The following ABCB11 variants were observed in gnomAD, a reference collection of about 807,000 sequenced individuals.
ABCB11 encodes ATP binding cassette subfamily B member 11, also known as bile salt export pump.
In ABCB11, 95 loss-of-function variants were observed where a neutral mutation model predicts 148.0. The observed-to-expected ratio is 0.64, with a 90% CI of 0.54 to 0.76. ABCB11 has a LOEUF of 0.76. Ranked by LOEUF, ABCB11 falls within the 30% of genes least tolerant of loss-of-function variation. The probability of loss-of-function intolerance (pLI) is 0.00; values close to 1 mark genes in which losing one functional copy is unlikely to be tolerated. For missense variants in ABCB11, 1,523 were observed against 1,617.8 expected (o/e 0.94, Z 1.01); for synonymous variants, 591 against 555.4 (o/e 1.06, Z -0.90).
At chr2:168,944,994 A>G (rs10930340) in intron 19 of ABCB11, 33 bp from the exon 20 acceptor site, 1 of 1,349,828 alleles carries the variant, frequency 7.4e-7, no homozygotes, top group African/African-American at 1.5e-5. Context: ...AAGTAACTTT[A>G]TTATAAATAG....
chr2:168,963,624 A>G (rs1693170020), intron 18 of ABCB11, among the ~76,000 whole-genome samples: 1 of 151,768 alleles, frequency 6.6e-6, no homozygotes, highest in Non-Finnish European at 1.5e-5. Context: ...GCTACCTTGA[A>G]TTATGTTAAA....
intron 19 of ABCB11, among the ~76,000 whole-genome samples, chr2:168,957,105 A>G (rs1559201454): frequency 1.3e-5 from 2 of 151,524 alleles, no homozygotes; most frequent in Non-Finnish European, 3.0e-5. Context: ...TACTACCTGC[A>G]TCTAGTCAGC....
In ABCB11 at chr2:168,935,362, T is replaced by A; in HGVS notation, c.2878A>T (p.Ile960Phe). The A allele has an allele frequency of 6.2e-7, 1 of 1,613,910 alleles. No individual in the cohort carries two copies. The stretch of plus-strand genomic sequence containing the variant: ...TCCAGCTCAGTCTCAAGTGCTTCAA[T>A]GAACCGCCTCTCCTTTCCAATTCCA... ...VAGIGKERRF[I>F]EALETELEKP... The change falls in exon 23 of 28, where the codon ATT (isoleucine) becomes TTT (phenylalanine). Residue 960 changes from isoleucine to phenylalanine, a missense_variant. Physicochemically the swap from Ile to Phe is conservative, Grantham distance 21. Coordinates refer to ENST00000650372, the MANE Select transcript of ABCB11 (RefSeq NM_003742.4).
intron 5 of ABCB11, among the ~76,000 whole-genome samples, 197 bp downstream of exon 5, chr2:169,013,075 T>C (rs951934971): frequency 1.3e-5 from 2 of 152,168 alleles, no homozygotes; most frequent in African/African-American, 2.4e-5. Context: ...CCTGTTTCTA[T>C]TAAGATTTTA....
chr2:169,010,042 C>T (rs866243184), intron 5 of ABCB11, among the ~76,000 whole-genome samples: 36 of 152,106 alleles, frequency 2.4e-4, no homozygotes, highest in African/African-American at 7.2e-4. Context: ...CCCCAATGCC[C>T]GCAGTAGTAA....
chr2:168,991,269 C>T (rs1330256313), intron 8 of ABCB11, among the ~76,000 whole-genome samples: 3 of 152,138 alleles, frequency 2.0e-5, no homozygotes, highest in Non-Finnish European at 2.9e-5. Flanking sequence ...TAGCCAATGG[C>T]CATTGCATAA....
At position 169,029,724 on chromosome 2, in the gene ABCB11, CTTTTTTTTTTTTT is replaced by C. The variant is rs1166356679; in HGVS notation, c.-28+1488_-28+1500del. The stretch of plus-strand genomic sequence containing the variant: ...GTCTCTAAATGTACAGTTCTTTCCT[CTTTTTTTTTTTTT>C]TTTTTTTTTTTTTTTGAGAGGAGTC... On this transcript the variant is annotated intron_variant, in intron 1 of 27. Transcript: ENST00000650372. Among the ~76,000 whole-genome samples, 14 of 88,302 alleles carry C rather than the reference CTTTTTTTTTTTTT, an allele frequency of 1.6e-4. 1 individual carries two copies. The highest frequency in any genetic ancestry group is 3.6e-4 in the Admixed American group (3 of 8,278). 57.9% of individuals were successfully genotyped at this position (88,302 alleles called of 152,430 possible). A position where few individuals can be genotyped will look rare whatever the true frequency, so the allele number is the denominator to read the frequency against.
At chr2:168,988,034 C>G (rs547836226) in intron 9 of ABCB11, among the ~76,000 whole-genome samples, 5 of 152,130 alleles carry the variant, frequency 3.3e-5, no homozygotes, top group Non-Finnish European at 5.9e-5. Context: ...CTATTCTTAG[C>G]AATTTTCAAG....
At position 168,971,857 on chromosome 2, in the gene ABCB11, T is replaced by C. The variant is rs200687717; in HGVS notation, c.1628A>G (p.Asp543Gly). The stretch of plus-strand genomic sequence containing the variant: ...TATGGCTAGGGGTACCTGTGGCAGG[T>C]CCATGATGAAGTTGTAGGCATTGGC... Reference protein sequence around the residue: ...KEANAYNFIMDLPQQFDTLVG... With the variant: ...KEANAYNFIMGLPQQFDTLVG... Residue 543 changes from aspartate to glycine, a missense_variant, in exon 14 of 28, where the codon GAC becomes GGC. By Grantham distance (94) the Asp-to-Gly change is moderately conservative. Coordinates refer to ENST00000650372, the MANE Select transcript of ABCB11 (RefSeq NM_003742.4). 6.3e-7 allele frequency: 1 copy of C among 1,594,424 alleles called. No homozygotes were observed. The highest frequency in any genetic ancestry group is 1.3e-5 in the African/African-American group (1 of 74,456).
In ABCB11 at chr2:168,920,895, T is replaced by C. The variant is rs1691056026; in HGVS notation, c.*2727A>G. On this transcript the variant is annotated 3_prime_UTR_variant, in exon 28 of 28. Transcript: ENST00000650372. ...TTTCAAGCCCTCTTTAGACAATCTT[T>C]TCCCTGTCATCAATAACTTTCAAGT... Among the ~76,000 whole-genome samples, 1 of 152,342 alleles carries C rather than the reference T, an allele frequency of 6.6e-6. No homozygotes were observed. Among genetic ancestry groups the C allele is most frequent in the East Asian group, 1.9e-4 (1 of 5,192 alleles).
At chr2:168,965,965 T>C (rs976186910) in intron 17 of ABCB11, among the ~76,000 whole-genome samples, 1 of 151,800 alleles carries the variant, frequency 6.6e-6, no homozygotes, top group African/African-American at 2.4e-5. Context: ...CCCTCCCTCT[T>C]CCTTGCTCTT....
At position 168,930,693 on chromosome 2, in the gene ABCB11, C is replaced by G; in HGVS notation, c.3383G>C (p.Arg1128Pro). The change falls in exon 25 of 28, where the codon CGT (arginine) becomes CCT (proline). Residue 1128 changes from arginine to proline, a missense_variant. Arg to Pro is a moderately radical substitution (Grantham distance 103). Coordinates refer to ENST00000650372, the MANE Select transcript of ABCB11 (RefSeq NM_003742.4). Reference sequence around the variant, plus strand: ...CTTCCCTTGATCAGGATCATAGAAACGTTCCAACAGCTGAATGCTAGTGCT... The same window carrying G: ...CTTCCCTTGATCAGGATCATAGAAAGGTTCCAACAGCTGAATGCTAGTGCT... ...GKSTSIQLLE[R>P]FYDPDQGKVM... 6.3e-7 allele frequency: 1 copy of G among 1,575,284 alleles called. No individual in the cohort carries two copies. The highest frequency in any genetic ancestry group is 8.7e-7 in the Non-Finnish European group (1 of 1,154,718).
rs182614114 is a variant in ABCB11 at position 168,996,552 on chromosome 2, A to G, written c.477+83T>C. 151 of 756,664 alleles carry G rather than the reference A, an allele frequency of 2.0e-4. No homozygotes were observed. In the African/African-American group the frequency reaches 2.5e-3, roughly 13 times the overall value. The allele number at this position is 756,664 out of a possible 1,614,324, so 46.9% of individuals were successfully genotyped here. ...AGTTCTTAGGGCTTCTGATTAGCTT[A>G]AAGAGTGGCAACACATTGCATCTCA... On this transcript the variant is annotated intron_variant, in intron 6 of 27. Coordinates refer to ENST00000650372, the MANE Select transcript of ABCB11 (RefSeq NM_003742.4).
intron 5 of ABCB11, among the ~76,000 whole-genome samples, chr2:169,012,043 G>T (rs1695203293): frequency 6.6e-6 from 1 of 152,046 alleles, no homozygotes; most frequent in Non-Finnish European, 1.5e-5. Context: ...AAAAATTTTG[G>T]TTGAATGAGT....
chr2:168,946,090 C>G (rs890948230), intron 19 of ABCB11, among the ~76,000 whole-genome samples: 16 of 151,820 alleles, frequency 1.1e-4, no homozygotes, highest in African/African-American at 3.6e-4. Flanking sequence ...AGAACATACT[C>G]CAATGACATT....
In ABCB11 at chr2:168,930,814, G is replaced by A. The variant is rs762255602; in HGVS notation, c.3262C>T (p.Pro1088Ser). 6 of 1,611,758 alleles carry A rather than the reference G, an allele frequency of 3.7e-6. No individual in the cohort carries two copies. The highest frequency in any genetic ancestry group is 1.1e-5 in the South Asian group (1 of 90,476). The change falls in exon 25 of 28, where the codon CCT (proline) becomes TCT (serine). Residue 1088 changes from proline to serine, a missense_variant. Pro to Ser is a moderately conservative substitution (Grantham distance 74). Coordinates refer to ENST00000650372, the MANE Select transcript of ABCB11 (RefSeq NM_003742.4). ...IDFVDCKFTY[P>S]SRPDSQVLNG... ...AGAACTTGCGAGTCAGGTCGAGAAGGATATGTAAATTTACAATCAACAAAA... is the reference window on the plus strand; with the variant it reads ...AGAACTTGCGAGTCAGGTCGAGAAGAATATGTAAATTTACAATCAACAAAA...
chr2:168,954,226 G>GTT (rs34477999), intron 19 of ABCB11, among the ~76,000 whole-genome samples: 1,611 of 150,554 alleles, frequency 0.011, 11 homozygotes, highest in African/African-American at 0.015. Context: ...CTCTTTTTCT[G>GTT]TTTTTTTTGT....
rs533850189 is a variant in ABCB11 at position 169,024,548 on chromosome 2, C to T, written c.-27-6396G>A. ...TATTAATGTCTTACATTAGTATTAA[C>T]GTACCAATGTGCACTGTAAATGTCT... On this transcript the variant is annotated intron_variant, in intron 1 of 27. Coordinates refer to ENST00000650372, the MANE Select transcript of ABCB11 (RefSeq NM_003742.4). Among the ~76,000 whole-genome samples the T allele has an allele frequency of 2.3e-4, 16 of 69,186 alleles. No homozygotes were observed. In the South Asian group the frequency reaches 5.8e-3, roughly 25 times the overall value. 45.4% of individuals were successfully genotyped at this position (69,186 alleles called of 152,430 possible).
intron 5 of ABCB11, among the ~76,000 whole-genome samples, chr2:168,998,038 A>T (rs1694767211): frequency 6.6e-6 from 1 of 152,086 alleles, no homozygotes; most frequent in Admixed American, 6.6e-5. Context: ...TTTCATGATG[A>T]CTAAGAAGAA....
Sources: gnomAD v4.1 joint callset for allele counts (sites outside exome capture counted in the v4.1 genomes callset) on GRCh38, gnomAD v4.1.1 for gene constraint, MANE v1.5 for transcripts, NCBI Gene and HGNC (gene_info 2026-07-23, HGNC 2026-07-21) for gene names.